Variants in CDH4 observed in about 807,000 individuals in gnomAD.
CDH4 encodes the protein cadherin-4.
A neutral mutation model predicts 86.0 loss-of-function variants in CDH4; 33 were observed. The ratio of observed to expected loss-of-function variants is 0.38; its 90% CI spans 0.29 to 0.51. The LOEUF is 0.51. Ranked by LOEUF, CDH4 falls within the 20% of genes least tolerant of loss-of-function variation. The pLI, the probability that CDH4 is intolerant of heterozygous loss-of-function variation, is 0.86. For synonymous variants in CDH4, 555 were observed against 549.4 expected, an observed-to-expected ratio of 1.01 and a Z score of -0.14; for missense variants, 1,114 against 1,307.4, an observed-to-expected ratio of 0.85 and a Z score of 2.28.
At chr20:61,349,795 G>T (rs1368500824) in intron 2 of CDH4, among the ~76,000 whole-genome samples, 1 of 152,196 alleles carries the variant, frequency 6.6e-6, no homozygotes, top group East Asian at 1.9e-4. Flanking sequence ...AACCATGTAC[G>T]TGGAAAGGAG....
intron 4 of CDH4, among the ~76,000 whole-genome samples, chr20:61,827,256 G>A (rs1387320479): frequency 4.6e-5 from 7 of 152,280 alleles, no homozygotes; most frequent in African/African-American, 1.4e-4. Flanking sequence ...TTGCTACACC[G>A]GTGGGAATTA....
At chr20:61,820,849 G>A (rs1237008520) in intron 4 of CDH4, among the ~76,000 whole-genome samples, 1 of 152,102 alleles carries the variant, frequency 6.6e-6, no homozygotes, top group East Asian at 1.9e-4. Context: ...GGGAGGCTGT[G>A]CCCCCTTCAG....
chr20:61,559,974 T>G (rs890707184), intron 2 of CDH4, among the ~76,000 whole-genome samples: 9 of 152,164 alleles, frequency 5.9e-5, no homozygotes, highest in African/African-American at 2.2e-4. Flanking sequence ...GCACCACGTC[T>G]CAACCATGGA....
At chr20:61,854,924 C>G (rs1352943655) in intron 6 of CDH4, among the ~76,000 whole-genome samples, 3 of 146,322 alleles carry the variant, frequency 2.1e-5, no homozygotes, top group African/African-American at 7.6e-5. Flanking sequence ...TTTGGCCCAC[C>G]CCCAGGGGTG....
At chr20:61,343,706 G>A (rs937002254) in intron 2 of CDH4, among the ~76,000 whole-genome samples, 2 of 152,156 alleles carry the variant, frequency 1.3e-5, no homozygotes, top group Non-Finnish European at 2.9e-5. Flanking sequence ...TGCAGTCCTG[G>A]CTGAAGATGT....
chr20:61,331,249 G>T (rs57075158), intron 2 of CDH4, among the ~76,000 whole-genome samples: 19,533 of 151,816 alleles, frequency 0.13, 1,594 homozygotes, highest in East Asian at 0.32. Context: ...CCCACCCTGG[G>T]ATGAGGCCCT....
intron 2 of CDH4, among the ~76,000 whole-genome samples, chr20:61,351,159 C>T (rs117689370): frequency 0.042 from 6,402 of 152,270 alleles, 192 homozygotes; most frequent in Middle Eastern, 0.065. Context: ...TGGCCATTTG[C>T]AGGGCTCTGC....
chr20:61,788,596 G>A (rs947842806), intron 4 of CDH4, among the ~76,000 whole-genome samples: 2 of 152,196 alleles, frequency 1.3e-5, no homozygotes, highest in Non-Finnish European at 2.9e-5. Context: ...TGGGCTCCCA[G>A]CCCGGCAGTG....
At chr20:61,875,895 C>T (rs961297378) in intron 7 of CDH4, among the ~76,000 whole-genome samples, 2 of 152,032 alleles carry the variant, frequency 1.3e-5, no homozygotes, top group African/African-American at 4.8e-5. Context: ...GGGTCCCCCG[C>T]CTGCCCTGGG....
chr20:61,903,540 T>TAAAAAA (rs60370683), intron 8 of CDH4, among the ~76,000 whole-genome samples: 52,902 of 89,864 alleles, frequency 0.59, 17,183 homozygotes, highest in Non-Finnish European at 0.67. Context: ...AGAGACTCCA[T>TAAAAAA]AAAAAAAAAA....
chr20:61,413,401 G>A (rs1335197731), intron 2 of CDH4, among the ~76,000 whole-genome samples: 1 of 152,188 alleles, frequency 6.6e-6, no homozygotes, highest in Non-Finnish European at 1.5e-5. Flanking sequence ...CTGCGTGAGT[G>A]GTTGTGGAGC....
Position 61,496,095 on chromosome 20 carries a change from C to A in CDH4, c.169+241158C>A, listed in dbSNP as rs188423907. Among the ~76,000 whole-genome samples, 57 of 151,764 alleles carry A rather than the reference C, an allele frequency of 3.8e-4. 1 individual carries two copies. In the East Asian group the frequency reaches 0.011, roughly 29 times the overall value. Reference sequence around the variant, plus strand: ...GAATTGAACAACGGACATCTATATACCCACTGTCTAGATTTTATAATTGGC... The same window carrying A: ...GAATTGAACAACGGACATCTATATAACCACTGTCTAGATTTTATAATTGGC... On this transcript the variant is annotated intron_variant, in intron 2 of 15. Transcript: ENST00000614565.
At chr20:61,337,534 A>T (rs2084626590) in intron 2 of CDH4, among the ~76,000 whole-genome samples, 1 of 150,400 alleles carries the variant, frequency 6.6e-6, no homozygotes, top group African/African-American at 2.4e-5. Flanking sequence ...GATGAGGGAA[A>T]GCATGGTCGT....
In CDH4 at chr20:61,709,450, A is replaced by G. The variant is rs886706168; in HGVS notation, c.170-34113A>G. 6.6e-6 allele frequency among the ~76,000 whole-genome samples: 1 copy of G among 151,374 alleles called. No individual in the cohort carries two copies. Among genetic ancestry groups the G allele is most frequent in the African/African-American group, 2.4e-5 (1 of 41,154 alleles). Reference sequence around the variant, plus strand: ...CCACCATGCCCGGCTATTTTTTTCTATTTTTAGGAGGGACGGGGTTTCACC... The same window carrying G: ...CCACCATGCCCGGCTATTTTTTTCTGTTTTTAGGAGGGACGGGGTTTCACC... On this transcript the variant is annotated intron_variant, in intron 2 of 15. Transcript: ENST00000614565. The surrounding 1 kb of genome is among the most constrained non-coding windows in gnomAD (Gnocchi z 4.8).
chr20:61,471,212 A>G (rs2085500257), intron 2 of CDH4, among the ~76,000 whole-genome samples: 1 of 151,906 alleles, frequency 6.6e-6, no homozygotes, highest in South Asian at 2.1e-4. Flanking sequence ...CTTATTACTC[A>G]TTATTGGTCT....
intron 2 of CDH4, among the ~76,000 whole-genome samples, chr20:61,566,026 C>T (rs1434331191): frequency 6.6e-6 from 1 of 152,220 alleles, no homozygotes; most frequent in East Asian, 1.9e-4. Flanking sequence ...TGGCCCCAGC[C>T]CTTTCTCGGG....
At chr20:61,321,183 C>A (rs1036929815) in intron 2 of CDH4, among the ~76,000 whole-genome samples, 1 of 152,142 alleles carries the variant, frequency 6.6e-6, no homozygotes, top group African/African-American at 2.4e-5. Flanking sequence ...TCTCATTAGT[C>A]GTTGATTGAG....
Position 61,560,811 on chromosome 20 carries a change from G to T in CDH4, c.170-182752G>T, listed in dbSNP as rs529377682. Among the ~76,000 whole-genome samples the T allele has an allele frequency of 3.9e-5, 6 of 152,318 alleles. No homozygotes were observed. In the South Asian group the frequency reaches 1.2e-3, roughly 32 times the overall value. ...GGGGGCCCTCAGTCTGTCCATCCGGGGATAGTCCTGGCCTTCGCAGCGGGA... is the reference window on the plus strand; with the variant it reads ...GGGGGCCCTCAGTCTGTCCATCCGGTGATAGTCCTGGCCTTCGCAGCGGGA... On this transcript the variant is annotated intron_variant, in intron 2 of 15. Coordinates refer to ENST00000614565, the MANE Select transcript of CDH4 (RefSeq NM_001794.5).
At chr20:61,515,990 TA>T (rs1387355736) in intron 2 of CDH4, among the ~76,000 whole-genome samples, 1 of 151,796 alleles carries the variant, frequency 6.6e-6, no homozygotes, top group Admixed American at 6.6e-5. Flanking sequence ...TGCTCCAGGG[TA>T]GAATGCAGAA....
Sources: gnomAD v4.1 joint callset for allele counts (sites outside exome capture counted in the v4.1 genomes callset) on GRCh38, gnomAD v4.1.1 for gene constraint, Gnocchi (gnomAD v3.1) non-coding constraint, MANE v1.5 for transcripts, NCBI Gene and HGNC (gene_info 2026-07-23, HGNC 2026-07-21) for gene names.